NTRK3: variants seen among roughly 807,000 people sequenced by gnomAD.
NTRK3 encodes the protein NT-3 growth factor receptor.
A neutral mutation model predicts 91.7 loss-of-function variants in NTRK3; 24 were observed. The ratio of observed to expected loss-of-function variants is 0.26; its 90% CI spans 0.19 to 0.37. The LOEUF (loss-of-function observed/expected upper bound fraction) is 0.37, where lower values mean the gene tolerates loss of function less well. NTRK3 is among the 10% of genes least tolerant of loss of function. The pLI, the probability that NTRK3 is intolerant of heterozygous loss-of-function variation, is 1.00. For synonymous variants in NTRK3, 483 were observed against 404.0 expected (o/e 1.20, Z -2.34); for missense variants, 880 against 1,068.9 (o/e 0.82, Z 2.46).
rs1228977192 is a variant in NTRK3 at position 88,032,813 on chromosome 15, C to A, written c.1585+44G>T. 7.5e-6 allele frequency: 12 copies of A among 1,608,324 alleles called. No homozygotes were observed. The Middle Eastern group carries it at 6.6e-4, about 89-fold the overall frequency. On this transcript the variant is annotated intron_variant, in intron 14 of 18. Transcript: ENST00000394480. ...CAGGTACATGGTCTATCACCAACCA[C>A]CCTCCCCTCCCCAGGAGGGAGAGCA...
intron 3 of NTRK3, among the ~76,000 whole-genome samples, chr15:88,188,368 T>C (rs2047117994): frequency 6.6e-6 from 1 of 152,210 alleles, no homozygotes; most frequent in Non-Finnish European, 1.5e-5. Flanking sequence ...TCTGGACACA[T>C]TTTTGATTGT....
intron 14 of NTRK3, among the ~76,000 whole-genome samples, chr15:87,996,043 A>G (rs1302771027): frequency 6.6e-6 from 1 of 152,168 alleles, no homozygotes; most frequent in African/African-American, 2.4e-5. Context: ...CAGGAGTTCA[A>G]GACCAGCCTG....
At chr15:87,923,706 C>A (rs2068060194) in intron 17 of NTRK3, among the ~76,000 whole-genome samples, 1 of 152,132 alleles carries the variant, frequency 6.6e-6, no homozygotes, top group African/African-American at 2.4e-5. Context: ...CTCCAAAGAT[C>A]CTCTGTTGAA....
At chr15:88,032,397 A>G (rs1409341902) in intron 14 of NTRK3, among the ~76,000 whole-genome samples, 1 of 152,052 alleles carries the variant, frequency 6.6e-6, no homozygotes, top group African/African-American at 2.4e-5. Context: ...GGGGCACTGG[A>G]GGGGCAGCTA....
intron 14 of NTRK3, among the ~76,000 whole-genome samples, chr15:88,000,962 C>T (rs551590234): frequency 2.0e-5 from 3 of 152,252 alleles, no homozygotes; most frequent in Admixed American, 2.0e-4. Flanking sequence ...TTTTATATTA[C>T]CAACATTAAG....
At position 88,166,295 on chromosome 15, in the gene NTRK3, C is replaced by T. The variant is rs1306975922; in HGVS notation, c.395+17123G>A. Among the ~76,000 whole-genome samples, 7 of 152,334 alleles carry T rather than the reference C, an allele frequency of 4.6e-5. No individual in the cohort carries two copies. In the East Asian group the frequency reaches 1.4e-3, roughly 29 times the overall value. ...GGCAGAAGTGGAAGGGGCACTCCCT[C>T]TACTGTTTACATCTGGGTCTAGATC... On this transcript the variant is annotated intron_variant, in intron 5 of 18. Transcript: ENST00000394480.
At chr15:88,012,012 C>G (rs952286841) in intron 14 of NTRK3, among the ~76,000 whole-genome samples, 5 of 152,186 alleles carry the variant, frequency 3.3e-5, no homozygotes, top group African/African-American at 1.2e-4. Context: ...TTATGACAGA[C>G]ACACAGAAAC....
At chr15:88,204,955 G>T (rs191771846) in intron 3 of NTRK3, among the ~76,000 whole-genome samples, 1 of 152,276 alleles carries the variant, frequency 6.6e-6, no homozygotes, top group Non-Finnish European at 1.5e-5. Flanking sequence ...GAAAAGGAAA[G>T]GAATATGATG....
At chr15:88,212,611 C>A (rs755671820) in intron 3 of NTRK3, among the ~76,000 whole-genome samples, 2 of 152,098 alleles carry the variant, frequency 1.3e-5, no homozygotes, top group Non-Finnish European at 2.9e-5. Flanking sequence ...GAGACTTGCA[C>A]TTGGCTGACC....
At chr15:87,947,938 T>C (rs1305481635) in intron 14 of NTRK3, among the ~76,000 whole-genome samples, 1 of 152,012 alleles carries the variant, frequency 6.6e-6, no homozygotes, top group African/African-American at 2.4e-5. Context: ...CTTTGAACCT[T>C]TGAGGGGGAA....
intron 14 of NTRK3, among the ~76,000 whole-genome samples, chr15:87,984,797 G>A (rs1186765463): frequency 1.3e-5 from 2 of 152,138 alleles, no homozygotes; most frequent in Non-Finnish European, 1.5e-5. Flanking sequence ...CAGAATTACT[G>A]CACAGTGATA....
intron 12 of NTRK3, 141 bp downstream of exon 12, chr15:88,127,021 C>T: frequency 1.3e-6 from 1 of 768,996 alleles, no homozygotes; most frequent in South Asian, 1.5e-5. Flanking sequence ...AAGGTTTAAA[C>T]TGCCTGAACG....
At chr15:88,088,443 A>C (rs966103758) in intron 13 of NTRK3, among the ~76,000 whole-genome samples, 5 of 152,228 alleles carry the variant, frequency 3.3e-5, no homozygotes, top group African/African-American at 1.2e-4. Context: ...TGGACACCAG[A>C]ATGAGCAACA....
intron 3 of NTRK3, among the ~76,000 whole-genome samples, chr15:88,205,531 C>T (rs2048673110): frequency 6.6e-6 from 1 of 152,144 alleles, no homozygotes; most frequent in African/African-American, 2.4e-5. Flanking sequence ...CAGACATGAG[C>T]TCTGGTATAT....
At position 88,185,894 on chromosome 15, in the gene NTRK3, C is replaced by T. The variant is rs570662564; in HGVS notation, c.249-1595G>A. ...AGAACCTGTTTTGTACCACATTCTC[C>T]CAAAGTCCCTGCTGAGCAGCCAGAG... On this transcript the variant is annotated intron_variant, in intron 3 of 18. Transcript: ENST00000394480. Among the ~76,000 whole-genome samples the T allele has an allele frequency of 1.1e-3, 169 of 152,330 alleles. 1 individual carries two copies. The highest frequency in any genetic ancestry group is 3.9e-3 in the African/African-American group (163 of 41,566).
At chr15:88,085,957 C>T (rs1285527882) in intron 13 of NTRK3, among the ~76,000 whole-genome samples, 2 of 152,180 alleles carry the variant, frequency 1.3e-5, no homozygotes, top group African/African-American at 2.4e-5. Context: ...GTATGTGATA[C>T]AGATGATGAC....
intron 3 of NTRK3, among the ~76,000 whole-genome samples, chr15:88,226,399 C>T (rs1210663789): frequency 1.3e-5 from 2 of 152,210 alleles, no homozygotes; most frequent in Non-Finnish European, 2.9e-5. Flanking sequence ...AGGCCACGAG[C>T]AGTCCACAAG....
At chr15:88,058,109 G>A (rs1232641226) in intron 13 of NTRK3, among the ~76,000 whole-genome samples, 1 of 152,228 alleles carries the variant, frequency 6.6e-6, no homozygotes, top group African/African-American at 2.4e-5. Flanking sequence ...GAAGGCAAGA[G>A]CAGATGGCAG....
intron 13 of NTRK3, among the ~76,000 whole-genome samples, chr15:88,122,278 C>T (rs1193711897): frequency 6.6e-6 from 1 of 152,072 alleles, no homozygotes; most frequent in Non-Finnish European, 1.5e-5. Context: ...GAACTGTTTA[C>T]CAGCCTTAGC....
Sources: allele counts gnomAD v4.1 joint callset (sites outside exome capture counted in the v4.1 genomes callset), GRCh38; gene constraint gnomAD v4.1.1; transcripts MANE v1.5; gene names NCBI Gene and HGNC (gene_info 2026-07-23, HGNC 2026-07-21).